Variants in CTNNA3 observed in about 807,000 individuals in gnomAD.
The protein encoded by CTNNA3 is catenin alpha-3.
In CTNNA3, 76 loss-of-function variants were observed where a neutral mutation model predicts 95.7. The observed-to-expected ratio is 0.79, with a 90% CI of 0.66 to 0.96. The LOEUF is 0.96. Among genes scored for constraint, CTNNA3 ranks in the 40% least tolerant of loss-of-function variants. CTNNA3 has a pLI of 0.00. For missense variants in CTNNA3, 1,191 were observed against 1,089.8 expected (o/e 1.09, Z -1.31); for synonymous variants, 431 against 374.4 (o/e 1.15, Z -1.74).
chr10:66,524,875 C>T (rs1319959496), intron 10 of CTNNA3, among the ~76,000 whole-genome samples: 1 of 151,952 alleles, frequency 6.6e-6, no homozygotes, highest in African/African-American at 2.4e-5. Flanking sequence ...TATGGAGAAA[C>T]CTCCTCTCCA....
At chr10:67,048,630 C>T (rs773985127) in intron 7 of CTNNA3, among the ~76,000 whole-genome samples, 1 of 152,018 alleles carries the variant, frequency 6.6e-6, no homozygotes, top group South Asian at 2.1e-4. Flanking sequence ...AATTGGGATA[C>T]TTTTTATTTT....
Position 66,994,153 on chromosome 10 carries a change from T to G in CTNNA3, c.1047+186164A>C, listed in dbSNP as rs563598656. Among the ~76,000 whole-genome samples the G allele has an allele frequency of 7.9e-5, 12 of 152,280 alleles. No homozygotes were observed. The East Asian group carries it at 2.3e-3, about 29-fold the overall frequency. ...GTGAGTTGCCATCACTATATTCTTA[T>G]AGAAGGTCCCTCGTATAAAAACCAG... On this transcript the variant is annotated intron_variant, in intron 7 of 17. Transcript: ENST00000433211.
rs1418402242 is a variant in CTNNA3 at position 66,805,259 on chromosome 10, T to A, written c.1048-29735A>T. Among the ~76,000 whole-genome samples the A allele has an allele frequency of 2.0e-5, 3 of 151,948 alleles. No individual in the cohort carries two copies. The East Asian group carries it at 5.8e-4, about 29-fold the overall frequency. On this transcript the variant is annotated intron_variant, in intron 7 of 17. Coordinates refer to ENST00000433211, the MANE Select transcript of CTNNA3 (RefSeq NM_013266.4). ...CTTTGTGTCTCTTTGCTATAATAAA[T>A]CATAGCCGTGTGTACAACTATATGC...
intron 11 of CTNNA3, among the ~76,000 whole-genome samples, chr10:66,425,764 C>T (rs1052951256): frequency 2.6e-5 from 4 of 151,880 alleles, no homozygotes; most frequent in South Asian, 4.1e-4. Flanking sequence ...ATACAATGTT[C>T]ATAAAGTATA....
At chr10:66,435,868 G>A (rs1236896175) in intron 11 of CTNNA3, among the ~76,000 whole-genome samples, 1 of 152,024 alleles carries the variant, frequency 6.6e-6, no homozygotes, top group Non-Finnish European at 1.5e-5. Context: ...CAGAGATTCT[G>A]GTATGTTGTG....
chr10:67,022,968 A>T (rs1481807242), intron 7 of CTNNA3, among the ~76,000 whole-genome samples: 2 of 151,992 alleles, frequency 1.3e-5, no homozygotes, highest in Non-Finnish European at 2.9e-5. Context: ...AATAAACTGA[A>T]AACAAAATTT....
intron 5 of CTNNA3, among the ~76,000 whole-genome samples, chr10:67,361,173 T>C (rs1410635144): frequency 2.0e-5 from 3 of 152,210 alleles, no homozygotes; most frequent in South Asian, 2.1e-4. Flanking sequence ...AGTCACATAA[T>C]AGAGGAGGAC....
chr10:67,114,055 T>C (rs1859042808), intron 7 of CTNNA3, among the ~76,000 whole-genome samples: 2 of 149,700 alleles, frequency 1.3e-5, no homozygotes, highest in Non-Finnish European at 3.0e-5. Flanking sequence ...CGCACTTCAG[T>C]CTGGGTGACA....
chr10:66,379,659 T>C (rs1183334029), intron 11 of CTNNA3, among the ~76,000 whole-genome samples: 1 of 152,120 alleles, frequency 6.6e-6, no homozygotes, highest in Non-Finnish European at 1.5e-5. Flanking sequence ...TTAAAGACAG[T>C]TTCTAGATTA....
intron 8 of CTNNA3, among the ~76,000 whole-genome samples, chr10:66,770,226 A>G (rs5011814): frequency 0.85 from 129,321 of 152,148 alleles, 55,262 homozygotes; most frequent in East Asian, 1. Flanking sequence ...ATATGTTCTG[A>G]CATATTCATA....
intron 1 of CTNNA3, among the ~76,000 whole-genome samples, chr10:67,736,598 G>A (rs540760999): frequency 6.6e-6 from 1 of 151,738 alleles, no homozygotes; most frequent in Non-Finnish European, 1.5e-5. Context: ...TGGGACTACA[G>A]GTGCCCACCA....
At chr10:67,611,918 A>T (rs1423309406) in intron 2 of CTNNA3, among the ~76,000 whole-genome samples, 4 of 152,230 alleles carry the variant, frequency 2.6e-5, no homozygotes, top group Admixed American at 1.3e-4. Flanking sequence ...TTCTGAAAGA[A>T]ATTAGAAGGG....
intron 1 of CTNNA3, among the ~76,000 whole-genome samples, chr10:67,733,313 C>T (rs555416197): frequency 4.3e-4 from 66 of 152,038 alleles, no homozygotes; most frequent in African/African-American, 1.5e-3. Context: ...TTGGTTTTGC[C>T]CAAAAGGGTT....
In CTNNA3 at chr10:67,574,559, C is replaced by T. The variant is rs913574672; in HGVS notation, c.292+32298G>A. 2.7e-5 allele frequency among the ~76,000 whole-genome samples: 4 copies of T among 149,438 alleles called. No individual in the cohort carries two copies. In the East Asian group the frequency reaches 8.0e-4, roughly 30 times the overall value. ...TCTGTCACTTCAAATTGTATTCTTA[C>T]ATTGACAAGGTTGTTAACTTTTTTT... On this transcript the variant is annotated intron_variant, in intron 3 of 17. Transcript: ENST00000433211.
At chr10:65,959,206 A>G (rs1292802059) in intron 17 of CTNNA3, among the ~76,000 whole-genome samples, 2 of 152,128 alleles carry the variant, frequency 1.3e-5, no homozygotes, top group Non-Finnish European at 2.9e-5. Context: ...TGTGGGATAT[A>G]ATCTCCTGGT....
intron 5 of CTNNA3, among the ~76,000 whole-genome samples, chr10:67,341,239 T>C (rs751587225): frequency 6.6e-6 from 1 of 152,328 alleles, no homozygotes; most frequent in East Asian, 1.9e-4. Flanking sequence ...TAAATTATTA[T>C]TGACTATAGT....
At chr10:67,370,162 CTA>C (rs1164896279) in intron 5 of CTNNA3, among the ~76,000 whole-genome samples, 1 of 151,962 alleles carries the variant, frequency 6.6e-6, no homozygotes, top group African/African-American at 2.4e-5. Flanking sequence ...TTTGGTATGT[CTA>C]TATAATTGAA....
At chr10:66,355,716 A>C (rs1285085708) in intron 12 of CTNNA3, among the ~76,000 whole-genome samples, 4 of 130,220 alleles carry the variant, frequency 3.1e-5, no homozygotes, top group African/African-American at 1.0e-4. Context: ...ATTTTTTTTA[A>C]CTTCCAAGGA....
intron 4 of CTNNA3, among the ~76,000 whole-genome samples, chr10:67,525,364 T>C (rs1840110528): frequency 2.0e-5 from 3 of 152,112 alleles, no homozygotes; most frequent in Non-Finnish European, 1.5e-5. Flanking sequence ...TCAGAAATAA[T>C]AATAGTAATC....
Sources: allele counts gnomAD v4.1 joint callset (sites outside exome capture counted in the v4.1 genomes callset), GRCh38; gene constraint gnomAD v4.1.1; transcripts MANE v1.5; gene names NCBI Gene and HGNC (gene_info 2026-07-23, HGNC 2026-07-21).